Variants in DRC11 observed in about 807,000 individuals in gnomAD.
DRC11 encodes the protein IQ and AAA domain-containing protein 1.
chr2:236,341,442 G>A, the DRC11 span, among the ~76,000 whole-genome samples: 4 of 152,258 alleles, frequency 2.6e-5, no homozygotes, highest in African/African-American at 9.6e-5. Flanking sequence ...GCAGGGGTTG[G>A]AGTGGAGGTA....
the DRC11 span, among the ~76,000 whole-genome samples, chr2:236,347,348 T>C: frequency 1.3e-5 from 2 of 152,154 alleles, no homozygotes; most frequent in Admixed American, 6.5e-5. Context: ...AGAACTACCA[T>C]TTGATCCAGC....
chr2:236,351,167 A>G, the DRC11 span, among the ~76,000 whole-genome samples: 1 of 152,188 alleles, frequency 6.6e-6, no homozygotes, highest in South Asian at 2.1e-4. The surrounding 1 kb of genome is among the most constrained non-coding windows in gnomAD (Gnocchi z 7.3). Flanking sequence ...GCACTGTGCT[A>G]GGTGCCAGGG....
At chr2:236,313,268 C>G in the DRC11 span, among the ~76,000 whole-genome samples, 1 of 151,042 alleles carries the variant, frequency 6.6e-6, no homozygotes, top group Non-Finnish European at 1.5e-5. This position sits in a 1 kb window ranked among gnomAD's most constrained non-coding sequence, Gnocchi z 4.5. Context: ...AAGCCAAATA[C>G]TACTAAAGAA....
the DRC11 span, among the ~76,000 whole-genome samples, chr2:236,351,487 C>A: frequency 6.6e-6 from 1 of 152,284 alleles, no homozygotes; most frequent in Admixed American, 6.5e-5. This position sits in a 1 kb window ranked among gnomAD's most constrained non-coding sequence, Gnocchi z 7.3. Context: ...GAGCACCTGG[C>A]ACTTCTGGAA....
chr2:236,357,786 A>G, the DRC11 span, among the ~76,000 whole-genome samples: 1 of 126,532 alleles, frequency 7.9e-6, no homozygotes, highest in Non-Finnish European at 1.5e-5. Context: ...TATATGTTAT[A>G]TATACATATA....
the DRC11 span, among the ~76,000 whole-genome samples, chr2:236,329,259 C>T: frequency 5.9e-5 from 9 of 152,150 alleles, no homozygotes; most frequent in Non-Finnish European, 1.0e-4. Context: ...CCCCCTGTGC[C>T]GTGTAACCTC....
At chr2:236,364,295 C>CTTTTTT in the DRC11 span, among the ~76,000 whole-genome samples, 114 of 128,622 alleles carry the variant, frequency 8.9e-4, 1 homozygote, top group Non-Finnish European at 5.7e-4. Flanking sequence ...TTACCTCTGG[C>CTTTTTT]TTTTTTTTTT....
the DRC11 span, chr2:236,493,977 C>G: frequency 6.5e-6 from 7 of 1,083,112 alleles, no homozygotes; most frequent in Non-Finnish European, 7.3e-6. Flanking sequence ...ACGTGCACAT[C>G]AAAGACGCTT....
At chr2:236,447,563 A>C in the DRC11 span, among the ~76,000 whole-genome samples, 1 of 147,888 alleles carries the variant, frequency 6.8e-6, no homozygotes, top group Non-Finnish European at 1.5e-5. This position sits in a 1 kb window ranked among gnomAD's most constrained non-coding sequence, Gnocchi z 4.6. Context: ...ATTCACTTGT[A>C]GGTGACCAAA....
At chr2:236,395,002 G>A in the DRC11 span, among the ~76,000 whole-genome samples, 1 of 152,206 alleles carries the variant, frequency 6.6e-6, no homozygotes, top group Non-Finnish European at 1.5e-5. Flanking sequence ...TGGCTAATGT[G>A]GGCTTACAAA....
At chr2:236,356,457 G>A in the DRC11 span, among the ~76,000 whole-genome samples, 1 of 152,202 alleles carries the variant, frequency 6.6e-6, no homozygotes, top group Admixed American at 6.5e-5. Context: ...ACAGGGTGGG[G>A]CATGCGGAGC....
At chr2:236,351,636 G>T in the DRC11 span, among the ~76,000 whole-genome samples, 478 of 151,566 alleles carry the variant, frequency 3.2e-3, 4 homozygotes, top group African/African-American at 0.011. This position sits in a 1 kb window ranked among gnomAD's most constrained non-coding sequence, Gnocchi z 7.3. Context: ...GTGTAGAGGA[G>T]GATGTGGTGG....
At chr2:236,353,737 T>C in the DRC11 span, among the ~76,000 whole-genome samples, 121 of 152,102 alleles carry the variant, frequency 8.0e-4, no homozygotes, top group Non-Finnish European at 1.5e-3. This position sits in a 1 kb window ranked among gnomAD's most constrained non-coding sequence, Gnocchi z 5.0. Flanking sequence ...ACACGGTCCC[T>C]GCCTGTGGAG....
the DRC11 span, among the ~76,000 whole-genome samples, chr2:236,329,254 T>G: frequency 6.6e-6 from 1 of 152,342 alleles, no homozygotes; most frequent in Admixed American, 6.5e-5. Flanking sequence ...TTAATCCCCC[T>G]GTGCCGTGTA....
chr2:236,353,558 G>A, the DRC11 span, among the ~76,000 whole-genome samples: 2 of 152,132 alleles, frequency 1.3e-5, no homozygotes, highest in Non-Finnish European at 2.9e-5. The surrounding 1 kb of genome is among the most constrained non-coding windows in gnomAD (Gnocchi z 5.0). Context: ...CTCTCTGAAA[G>A]GATCCTATTT....
chr2:236,315,390 T>C, the DRC11 span, among the ~76,000 whole-genome samples: 2 of 152,294 alleles, frequency 1.3e-5, no homozygotes, highest in African/African-American at 4.8e-5. The surrounding 1 kb of genome is among the most constrained non-coding windows in gnomAD (Gnocchi z 5.1). Context: ...TAGGAACGTT[T>C]TTACACCGTT....
chr2:236,357,318 TTATA>T, the DRC11 span, among the ~76,000 whole-genome samples: 4 of 115,190 alleles, frequency 3.5e-5, no homozygotes, highest in African/African-American at 1.6e-4. Context: ...GATCTATATA[TTATA>T]TATATTCATA....
chr2:236,465,490 G>A, the DRC11 span: 80 of 1,608,672 alleles, frequency 5.0e-5, no homozygotes, highest in East Asian at 1.6e-3. The surrounding 1 kb of genome is among the most constrained non-coding windows in gnomAD (Gnocchi z 6.2). Flanking sequence ...ATGTCACGAT[G>A]TAGCTCATGT....
At chr2:236,357,390 T>TA in the DRC11 span, among the ~76,000 whole-genome samples, 1 of 114,012 alleles carries the variant, frequency 8.8e-6, no homozygotes, top group African/African-American at 4.2e-5. Flanking sequence ...AGTATAGATA[T>TA]TATATAGTAT....
Sources: gnomAD v4.1 joint callset for allele counts (sites outside exome capture counted in the v4.1 genomes callset) on GRCh38, gnomAD v4.1.1 for gene constraint, Gnocchi (gnomAD v3.1) non-coding constraint, MANE v1.5 for transcripts, NCBI Gene and HGNC (gene_info 2026-07-23, HGNC 2026-07-21) for gene names.